Variants in TACC2 observed in about 807,000 individuals in gnomAD.
TACC2 encodes transforming acidic coiled-coil containing protein 2.
Under a neutral mutation model 227.3 loss-of-function variants are expected in TACC2, and 137 were observed. The observed-to-expected ratio is 0.60, with a 90% CI of 0.52 to 0.69. TACC2 has a LOEUF of 0.69. Among genes scored for constraint, TACC2 ranks in the 30% least tolerant of loss-of-function variants. The pLI, the probability that TACC2 is intolerant of heterozygous loss-of-function variation, is 0.00. For missense variants in TACC2, 3,470 were observed against 3,694.4 expected, an observed-to-expected ratio of 0.94 and a Z score of 1.57; for synonymous variants, 1,523 against 1,487.5, an observed-to-expected ratio of 1.02 and a Z score of -0.55.
At position 122,196,692 on chromosome 10, in the gene TACC2, C is replaced by G. The variant is rs79284106; in HGVS notation, c.5971+1516C>G. Among the ~76,000 whole-genome samples the G allele has an allele frequency of 7.3e-3, 1,113 of 152,186 alleles. 7 individuals carry two copies. The highest frequency in any genetic ancestry group is 0.014 in the Middle Eastern group (4 of 294). ...GGTCAAATGTGTGATTAAGAATAAACTATTCTGGCCGAGGCGGGCAGATCA... is the reference window on the plus strand; with the variant it reads ...GGTCAAATGTGTGATTAAGAATAAAGTATTCTGGCCGAGGCGGGCAGATCA... On this transcript the variant is annotated intron_variant, in intron 8 of 22. Coordinates refer to ENST00000369005, the MANE Select transcript of TACC2 (RefSeq NM_206862.4).
At chr10:122,038,652 C>T (rs1280560136) in intron 2 of TACC2, among the ~76,000 whole-genome samples, 2 of 152,152 alleles carry the variant, frequency 1.3e-5, no homozygotes, top group Non-Finnish European at 2.9e-5. Flanking sequence ...GCTGGGAGAG[C>T]TTTCTGGCTC....
In TACC2 at chr10:122,194,927, G is replaced by C. The variant is rs2094516108; in HGVS notation, c.5835-113G>C. 4.7e-5 allele frequency: 53 copies of C among 1,116,264 alleles called. No individual in the cohort carries two copies. In the South Asian group the frequency reaches 8.1e-4, roughly 17 times the overall value. 69.1% of individuals were successfully genotyped at this position (1,116,264 alleles called of 1,614,324 possible). ...CTTTCCTCTCATCTGTCCCTGCACA[G>C]TTTAACTGAGCAGCGAGCCAGAACC... On this transcript the variant is annotated intron_variant, in intron 7 of 22. Coordinates refer to ENST00000369005, the MANE Select transcript of TACC2 (RefSeq NM_206862.4). This position sits in a 1 kb window ranked among gnomAD's most constrained non-coding sequence, Gnocchi z 4.4.
intron 3 of TACC2, among the ~76,000 whole-genome samples, chr10:122,077,665 A>G (rs559134060): frequency 1.3e-5 from 2 of 152,336 alleles, no homozygotes; most frequent in South Asian, 4.1e-4. Context: ...GCAGAACAGA[A>G]TGAAGGGGGC....
At chr10:122,008,243 T>TTTTATTA (rs1554957915) in intron 1 of TACC2, among the ~76,000 whole-genome samples, 23 of 53,730 alleles carry the variant, frequency 4.3e-4, no homozygotes, top group African/African-American at 1.7e-3. Context: ...TGTCTATCCC[T>TTTTATTA]TTGTTATTAT....
chr10:122,017,804 G>C (rs1044295104), intron 1 of TACC2, among the ~76,000 whole-genome samples: 3 of 112,922 alleles, frequency 2.7e-5, no homozygotes, highest in African/African-American at 1.1e-4. Flanking sequence ...CTGAGTGACA[G>C]AGTGAAACTG....
chr10:122,033,608 C>T (rs1401390969), intron 2 of TACC2, among the ~76,000 whole-genome samples: 1 of 152,204 alleles, frequency 6.6e-6, no homozygotes, highest in Non-Finnish European at 1.5e-5. Context: ...CAGTGTCATG[C>T]AACAATGTGC....
At chr10:122,131,224 C>G (rs1294421534) in intron 5 of TACC2, among the ~76,000 whole-genome samples, 3 of 151,714 alleles carry the variant, frequency 2.0e-5, no homozygotes, top group African/African-American at 7.3e-5. Context: ...CTGAAGCTGT[C>G]CCATGAGACG....
At chr10:122,197,370 CG>C (rs2094607657) in intron 8 of TACC2, among the ~76,000 whole-genome samples, 1 of 152,240 alleles carries the variant, frequency 6.6e-6, no homozygotes, top group South Asian at 2.1e-4. Flanking sequence ...GCCACAGGTG[CG>C]TCTTCTGGGA....
chr10:122,095,391 C>T (rs75612871), intron 5 of TACC2, among the ~76,000 whole-genome samples: 162 of 152,282 alleles, frequency 1.1e-3, no homozygotes, highest in East Asian at 6.6e-3. Context: ...TCCCTTACAG[C>T]GCTGTTAAAA....
intron 3 of TACC2, among the ~76,000 whole-genome samples, chr10:122,054,988 T>C (rs2136279126): frequency 1.3e-5 from 2 of 152,146 alleles, no homozygotes; most frequent in African/African-American, 4.8e-5. Context: ...GGGAGGCCGA[T>C]GTGGGTGGAT....
At chr10:122,020,033 G>C (rs1187709806) in intron 1 of TACC2, among the ~76,000 whole-genome samples, 1 of 152,004 alleles carries the variant, frequency 6.6e-6, no homozygotes, top group Non-Finnish European at 1.5e-5. Flanking sequence ...GAGTTTTGCC[G>C]GTCTCTTTAG....
chr10:122,087,872 A>G lies in TACC2; in HGVS notation c.5372A>G (p.Lys1791Arg). Reference sequence around the variant, plus strand: ...CGCCCCATTCCAGCTGGGGATGGGAAGGTGTGCGTCTCCTCACCTCCAGAG... The same window carrying G: ...CGCCCCATTCCAGCTGGGGATGGGAGGGTGTGCGTCTCCTCACCTCCAGAG... The part of the protein sequence containing the change: ...PERPIPAGDG[K>R]VCVSSPPEPD... The change falls in exon 4 of 23, where the codon AAG becomes AGG. Residue 1791 changes from lysine (K) to arginine (R), a missense_variant. This residue lies in a region of TACC2 where 1,924 missense variants were observed against 1,978.3 expected (regional missense o/e 0.97). Transcript: ENST00000369005. The G allele has an allele frequency of 6.6e-7, 1 of 1,521,862 alleles. No homozygotes were observed. Among genetic ancestry groups the G allele is most frequent in the South Asian group, 1.3e-5 (1 of 75,552 alleles). 94.3% of individuals were successfully genotyped at this position (1,521,862 alleles called of 1,614,324 possible). A position where few individuals can be genotyped will look rare whatever the true frequency, so the allele number is the denominator to read the frequency against.
At chr10:122,248,873 G>C in intron 20 of TACC2, 70 bp downstream of exon 20, 1 of 1,594,896 alleles carries the variant, frequency 6.3e-7, no homozygotes, top group Non-Finnish European at 8.6e-7. Flanking sequence ...CACTGGGAGG[G>C]GGTAGGATTC....
At chr10:122,227,805 G>T in intron 13 of TACC2, 32 bp from the exon 14 acceptor site, 1 of 1,590,386 alleles carries the variant, frequency 6.3e-7, no homozygotes, top group Non-Finnish European at 8.6e-7. Flanking sequence ...CCAATGAGAA[G>T]ACTAAAGAAA....
intron 8 of TACC2, among the ~76,000 whole-genome samples, chr10:122,201,291 G>A (rs1450360667): frequency 1.7e-5 from 2 of 119,100 alleles, no homozygotes; most frequent in Admixed American, 9.3e-5. Context: ...CGTTCACATG[G>A]GGAAAACGGC....
At chr10:122,028,192 C>T (rs1176284388) in intron 2 of TACC2, among the ~76,000 whole-genome samples, 4 of 140,286 alleles carry the variant, frequency 2.9e-5, no homozygotes, top group South Asian at 2.3e-4. Flanking sequence ...TGGGTTCAAG[C>T]GATTCTCCTG....
In TACC2 at chr10:121,989,334, A is replaced by G. The variant is rs1465556939; in HGVS notation, c.-200A>G. 6.6e-6 allele frequency: 1 copy of G among 152,244 alleles called. No individual in the cohort carries two copies. Among genetic ancestry groups the G allele is most frequent in the East Asian group, 1.9e-4 (1 of 5,200 alleles). The allele number at this position is 152,244 out of a possible 1,614,324, so 9.4% of individuals were successfully genotyped here. On this transcript the variant is annotated 5_prime_UTR_variant, in exon 1 of 23. Transcript: ENST00000369005. ...CTTTACTTCCTTTCATTCCTCTCTA[A>G]AACTTTTTTAAAAACTTTCACTCCT...
At chr10:122,053,114 C>G (rs2075882959) in intron 3 of TACC2, among the ~76,000 whole-genome samples, 1 of 152,140 alleles carries the variant, frequency 6.6e-6, no homozygotes, top group African/African-American at 2.4e-5. Context: ...CGTTTTCACA[C>G]TGCTGATAAA....
At chr10:122,217,777 C>A (rs1359361633) in intron 11 of TACC2, among the ~76,000 whole-genome samples, 2 of 151,796 alleles carry the variant, frequency 1.3e-5, no homozygotes, top group African/African-American at 2.4e-5. Context: ...AGAGCTAGCA[C>A]CTTTCTTGGG....
Sources: gnomAD v4.1 joint callset for allele counts (sites outside exome capture counted in the v4.1 genomes callset) on GRCh38, gnomAD v4.1.1 for gene constraint, gnomAD v4.1.1 regional missense constraint, Gnocchi (gnomAD v3.1) non-coding constraint, MANE v1.5 for transcripts, NCBI Gene and HGNC (gene_info 2026-07-23, HGNC 2026-07-21) for gene names.